The following PYHIN1 variants were observed in gnomAD, a reference collection of about 807,000 sequenced individuals.
The protein encoded by PYHIN1 is pyrin and HIN domain-containing protein 1.
PYHIN1 carries 32 observed loss-of-function variants against 43.7 expected under a neutral mutation model. The observed-to-expected ratio is 0.73, with a 90% CI of 0.55 to 0.98. PYHIN1 has a LOEUF of 0.98. Among genes scored for constraint, PYHIN1 ranks in the 50% least tolerant of loss-of-function variants. The pLI is 0.00. For missense variants in PYHIN1, 588 were observed against 589.5 expected (o/e 1.00, Z 0.03); for synonymous variants, 205 against 203.1 (o/e 1.01, Z -0.08).
intron 7 of PYHIN1, among the ~76,000 whole-genome samples, chr1:158,959,783 T>A (rs998345142): frequency 2.0e-5 from 3 of 152,176 alleles, no homozygotes; most frequent in African/African-American, 7.2e-5. Context: ...TCCCCCTTTC[T>A]ATACCATAAG....
intron 7 of PYHIN1, chr1:158,945,298 G>T: frequency 3.3e-6 from 1 of 301,104 alleles, no homozygotes; most frequent in East Asian, 5.4e-5. Flanking sequence ...CCTATGGGAG[G>T]GGTAATGGCC....
intron 7 of PYHIN1, among the ~76,000 whole-genome samples, chr1:158,959,677 C>A (rs958492869): frequency 6.6e-6 from 1 of 152,280 alleles, no homozygotes; most frequent in Admixed American, 6.5e-5. Flanking sequence ...TGAGGTCCTC[C>A]CATTGTTGGT....
intron 7 of PYHIN1, among the ~76,000 whole-genome samples, chr1:158,962,789 T>C (rs1388975238): frequency 1.3e-5 from 2 of 152,114 alleles, no homozygotes; most frequent in Admixed American, 6.5e-5. Flanking sequence ...GGCTTTGAAC[T>C]GCAAAACAGC....
At chr1:158,975,992 T>C (rs930972401) in intron 8 of PYHIN1, among the ~76,000 whole-genome samples, 7 of 152,098 alleles carry the variant, frequency 4.6e-5, no homozygotes, top group African/African-American at 1.7e-4. Context: ...TGGTACACAA[T>C]GAACAGAAGA....
intron 7 of PYHIN1, 136 bp downstream of exon 7, chr1:158,945,178 T>A: frequency 3.6e-6 from 3 of 838,642 alleles, no homozygotes; most frequent in Non-Finnish European, 3.6e-6. Flanking sequence ...CATGTATTTA[T>A]TGAATGCATA....
the PYHIN1 span, among the ~76,000 whole-genome samples, chr1:158,984,418 G>A: frequency 3.9e-5 from 6 of 152,074 alleles, no homozygotes; most frequent in African/African-American, 9.7e-5. Context: ...AAGTCATTCA[G>A]GAGTAAGTTG....
chr1:158,950,728 C>G (rs1649480960), intron 7 of PYHIN1, among the ~76,000 whole-genome samples: 1 of 152,132 alleles, frequency 6.6e-6, no homozygotes. Flanking sequence ...TACCCATACT[C>G]CCCCTTTTCT....
chr1:158,944,953 C>G lies in PYHIN1; in HGVS notation c.1270C>G (p.Pro424Ala). Residue 424 changes from proline (P) to alanine (A), a missense_variant, in exon 7 of 9, where the codon CCT (proline) becomes GCT (alanine). Transcript: ENST00000368140. ...LPQEQSQHPK[P>A]SEASTTLPES... ...CCAGGAACAGAGTCAGCATCCAAAA[C>G]CTTCAGAGGCCAGCACAACCCTACC... The G allele has an allele frequency of 1.9e-6, 3 of 1,613,816 alleles. No individual in the cohort carries two copies. The highest frequency in any genetic ancestry group is 2.5e-6 in the Non-Finnish European group (3 of 1,179,834).
intron 7 of PYHIN1, among the ~76,000 whole-genome samples, chr1:158,946,552 T>TAGAC (rs1172212940): frequency 1.3e-5 from 1 of 74,782 alleles, no homozygotes; most frequent in African/African-American, 4.8e-5. Context: ...AGTGATTAGA[T>TAGAC]AGATAGATAG....
downstream of PYHIN1, among the ~76,000 whole-genome samples, chr1:158,978,355 G>A (rs994358505): frequency 1.1e-4 from 17 of 151,914 alleles, no homozygotes; most frequent in African/African-American, 3.9e-4. Flanking sequence ...TGAAGCCACC[G>A]AATTTTTTCC....
chr1:158,955,792 CA>C (rs1243161965), intron 7 of PYHIN1, among the ~76,000 whole-genome samples: 2 of 86,116 alleles, frequency 2.3e-5, no homozygotes, highest in Non-Finnish European at 5.1e-5. Flanking sequence ...AAAAACCCTT[CA>C]AAAAATTAAG....
Position 158,976,892 on chromosome 1 carries a change from A to T in PYHIN1, c.*197A>T. Reference sequence around the variant, plus strand: ...ACTATATATATATATATATATATATATATATATATATATATATATATATAC... The same window carrying T: ...ACTATATATATATATATATATATATTTATATATATATATATATATATATAC... On this transcript the variant is annotated 3_prime_UTR_variant, in exon 9 of 9. Coordinates refer to ENST00000368140, the MANE Select transcript of PYHIN1 (RefSeq NM_152501.5). 1 of 14,730 alleles carries T rather than the reference A, an allele frequency of 6.8e-5. No individual in the cohort carries two copies. Among genetic ancestry groups the T allele is most frequent in the Non-Finnish European group, 4.3e-4 (1 of 2,320 alleles). 0.9% of individuals were successfully genotyped at this position (14,730 alleles called of 1,614,324 possible). A position where few individuals can be genotyped will look rare whatever the true frequency, so the allele number is the denominator to read the frequency against.
At chr1:158,958,471 T>C (rs1307294820) in intron 7 of PYHIN1, among the ~76,000 whole-genome samples, 2 of 147,924 alleles carry the variant, frequency 1.4e-5, no homozygotes, top group Non-Finnish European at 3.0e-5. Flanking sequence ...ATGGATGAAA[T>C]TGGAAATCAT....
Position 158,955,030 on chromosome 1 carries a change from T to A in PYHIN1, c.1359+9988T>A, listed in dbSNP as rs1426832173. ...AGGCCATTACATAATGATAAAGGGA[T>A]CAATTCAACAAGAAGAGCTAACTAT... On this transcript the variant is annotated intron_variant, in intron 7 of 8. Coordinates refer to ENST00000368140, the MANE Select transcript of PYHIN1 (RefSeq NM_152501.5). Among the ~76,000 whole-genome samples the A allele has an allele frequency of 2.0e-5, 3 of 151,950 alleles. No individual in the cohort carries two copies. The East Asian group carries it at 5.8e-4, about 29-fold the overall frequency.
chr1:158,947,774 G>A (rs1170273263), intron 7 of PYHIN1, among the ~76,000 whole-genome samples: 1 of 152,236 alleles, frequency 6.6e-6, no homozygotes, highest in Non-Finnish European at 1.5e-5. Context: ...ACACCTGTAG[G>A]TAATTAATCT....
chr1:158,936,837 C>CT, intron 1 of PYHIN1, 54 bp from the exon 2 acceptor site: 1 of 1,234,124 alleles, frequency 8.1e-7, no homozygotes, highest in Non-Finnish European at 1.1e-6. Flanking sequence ...CATACATCTT[C>CT]TTTTAAATTC....
chr1:158,939,690 C>A, intron 4 of PYHIN1: 1 of 639,642 alleles, frequency 1.6e-6, no homozygotes, highest in Non-Finnish European at 2.8e-6. Context: ...ATATTGAGAT[C>A]TTATCCTCAG....
intron 7 of PYHIN1, among the ~76,000 whole-genome samples, chr1:158,967,174 A>G (rs571469579): frequency 1.5e-4 from 23 of 152,146 alleles, no homozygotes; most frequent in African/African-American, 5.3e-4. Context: ...TCACCATACT[A>G]CATTTTTTTC....
At chr1:158,956,167 C>A (rs1649913922) in intron 7 of PYHIN1, among the ~76,000 whole-genome samples, 1 of 143,390 alleles carries the variant, frequency 7.0e-6, no homozygotes, top group South Asian at 2.3e-4. Context: ...TGAATTCTAC[C>A]AGAGGTACAA....
Sources: gnomAD v4.1 joint callset for allele counts (sites outside exome capture counted in the v4.1 genomes callset) on GRCh38, gnomAD v4.1.1 for gene constraint, MANE v1.5 for transcripts, NCBI Gene and HGNC (gene_info 2026-07-23, HGNC 2026-07-21) for gene names.